Variants in IQUB observed in about 807,000 individuals in gnomAD.
The protein encoded by IQUB is IQ motif and ubiquitin-like domain-containing protein.
Under a neutral mutation model 86.4 loss-of-function variants are expected in IQUB, and 86 were observed. The observed-to-expected ratio is 1.00, with a 90% CI of 0.84 to 1.19. The LOEUF (loss-of-function observed/expected upper bound fraction) is 1.19. Among genes scored for constraint, IQUB ranks in the 50% most tolerant of loss-of-function variants. The pLI is 0.00. For missense variants in IQUB, 946 were observed against 916.9 expected (o/e 1.03, Z -0.41); for synonymous variants, 289 against 304.5 (o/e 0.95, Z 0.53).
Position 123,503,349 on chromosome 7 carries a change from T to G in IQUB, c.547A>C (p.Asn183His), listed in dbSNP as rs1386790591. The G allele has an allele frequency of 6.6e-7, 1 of 1,504,620 alleles. No individual in the cohort carries two copies. Among genetic ancestry groups the G allele is most frequent in the Non-Finnish European group, 9.0e-7 (1 of 1,115,916 alleles). 93.2% of individuals were successfully genotyped at this position (1,504,620 alleles called of 1,614,324 possible). The change falls in exon 4 of 13, where the codon AAT becomes CAT. Residue 183 changes from asparagine (N) to histidine (H), a missense_variant. Asn to His is a moderately conservative substitution (Grantham distance 68, BLOSUM62 1). Transcript: ENST00000324698. Reference protein sequence around the residue: ...QIRYSGKILKNNETLVQHGVK... With the variant: ...QIRYSGKILKHNETLVQHGVK... ...CCATGTTGTACTAGAGTCTCATTAT[T>G]TTTAAGAATTTTTCCTAAAAATTGA...
intron 1 of IQUB, among the ~76,000 whole-genome samples, chr7:123,526,429 A>C (rs1239576679): frequency 6.6e-6 from 1 of 152,208 alleles, no homozygotes. Context: ...TTCTTGTTGA[A>C]TTGATCCCTT....
At chr7:123,489,666 A>C (rs1562852238) in intron 7 of IQUB, among the ~76,000 whole-genome samples, 1 of 151,916 alleles carries the variant, frequency 6.6e-6, no homozygotes, top group African/African-American at 2.4e-5. Flanking sequence ...TCTGAAAGAA[A>C]ATTAGTATGC....
intron 1 of IQUB, among the ~76,000 whole-genome samples, chr7:123,533,515 T>A (rs1236293004): frequency 6.6e-6 from 1 of 152,226 alleles, no homozygotes; most frequent in African/African-American, 2.4e-5. Flanking sequence ...GATTGTTAGG[T>A]AGTGACATTT....
chr7:123,506,769 A>T (rs959412133), intron 3 of IQUB, among the ~76,000 whole-genome samples: 5 of 152,202 alleles, frequency 3.3e-5, no homozygotes, highest in African/African-American at 1.2e-4. Flanking sequence ...AGAAGCATAT[A>T]TGCAGAATCC....
intron 1 of IQUB, among the ~76,000 whole-genome samples, chr7:123,512,832 C>T (rs1221758361): frequency 4.6e-5 from 7 of 152,030 alleles, no homozygotes; most frequent in Non-Finnish European, 2.9e-5. Context: ...CTGCTCCCCC[C>T]AAATAAACCT....
intron 3 of IQUB, 111 bp downstream of exon 3, chr7:123,509,790 T>C (rs1796337462): frequency 1.1e-6 from 1 of 905,512 alleles, no homozygotes; most frequent in African/African-American, 1.7e-5. Flanking sequence ...ATAACCACAA[T>C]ATAATGTTCA....
intron 3 of IQUB, among the ~76,000 whole-genome samples, chr7:123,503,652 A>G (rs535046927): frequency 6.6e-6 from 1 of 152,008 alleles, no homozygotes; most frequent in South Asian, 2.1e-4. Context: ...GGCTAATTAC[A>G]CATTCTCATT....
At chr7:123,503,532 T>C (rs549539363) in intron 3 of IQUB, among the ~76,000 whole-genome samples, 169 bp from the exon 4 acceptor site, 3 of 152,258 alleles carry the variant, frequency 2.0e-5, no homozygotes, top group African/African-American at 7.2e-5. Context: ...AACATGTCCA[T>C]TACCTCATAT....
At chr7:123,515,139 A>G (rs989188303) in intron 1 of IQUB, among the ~76,000 whole-genome samples, 1 of 152,150 alleles carries the variant, frequency 6.6e-6, no homozygotes, top group Non-Finnish European at 1.5e-5. Flanking sequence ...CACACACACA[A>G]AAACACCATT....
intron 1 of IQUB, among the ~76,000 whole-genome samples, chr7:123,521,782 T>C (rs980372283): frequency 1.3e-5 from 2 of 152,000 alleles, no homozygotes; most frequent in Admixed American, 6.5e-5. Flanking sequence ...TAACTACATG[T>C]TTTCAAGACA....
At chr7:123,509,701 T>C (rs1467734145) in intron 3 of IQUB, among the ~76,000 whole-genome samples, 200 bp downstream of exon 3, 1 of 152,188 alleles carries the variant, frequency 6.6e-6, no homozygotes, top group East Asian at 1.9e-4. Context: ...TACTTCACAT[T>C]TCTCTGTATC....
chr7:123,477,796 T>C (rs1197327621), intron 8 of IQUB, among the ~76,000 whole-genome samples: 1 of 152,070 alleles, frequency 6.6e-6, no homozygotes, highest in Non-Finnish European at 1.5e-5. Context: ...TGAAGAGACA[T>C]TTCTCAAAAG....
intron 9 of IQUB, among the ~76,000 whole-genome samples, chr7:123,465,266 C>T (rs1435288238): frequency 6.6e-6 from 1 of 151,712 alleles, no homozygotes; most frequent in African/African-American, 2.4e-5. Flanking sequence ...TACAAAATAA[C>T]AGATACAGTA....
At chr7:123,470,988 C>G (rs776540135) in intron 8 of IQUB, among the ~76,000 whole-genome samples, 3 of 152,008 alleles carry the variant, frequency 2.0e-5, no homozygotes, top group Non-Finnish European at 4.4e-5. Flanking sequence ...CTCTTAAAAA[C>G]AACTATATTT....
chr7:123,453,054 G>A lies in IQUB; in HGVS notation c.2194-129C>T, dbSNP rs187127189. 5.2e-4 allele frequency: 351 copies of A among 677,718 alleles called. 2 individuals are homozygous for A. In the African/African-American group the frequency reaches 5.2e-3, roughly 10 times the overall value. 42.0% of individuals were successfully genotyped at this position (677,718 alleles called of 1,614,324 possible). ...AGACTACCTTTATTTTTCTCACGTT[G>A]TCTATCATCATTCACGACTCAGCTC... On this transcript the variant is annotated intron_variant, in intron 12 of 12. Transcript: ENST00000324698.
chr7:123,499,454 A>G (rs1477476944), intron 6 of IQUB, among the ~76,000 whole-genome samples: 2 of 152,198 alleles, frequency 1.3e-5, no homozygotes, highest in Non-Finnish European at 2.9e-5. Flanking sequence ...AAAATAAGGA[A>G]AGTTGATTAC....
chr7:123,511,041 A>G (rs2117255994), intron 2 of IQUB, among the ~76,000 whole-genome samples: 1 of 152,262 alleles, frequency 6.6e-6, no homozygotes, highest in South Asian at 2.1e-4. Flanking sequence ...CCAAATTTAC[A>G]TTAAATACTA....
chr7:123,499,109 C>T lies in IQUB; in HGVS notation c.1024-2203G>A, dbSNP rs960232349. Among the ~76,000 whole-genome samples the T allele has an allele frequency of 2.6e-5, 4 of 151,814 alleles. No individual in the cohort carries two copies. In the South Asian group the frequency reaches 8.3e-4, roughly 31 times the overall value. On this transcript the variant is annotated intron_variant, in intron 6 of 12. Coordinates refer to ENST00000324698, the MANE Select transcript of IQUB (RefSeq NM_178827.5). ...TAAATCCCAGCATTCCAAAATGTTTCCTTTTTTTCTTTTTTTCTTTTTAGG... is the reference window on the plus strand; with the variant it reads ...TAAATCCCAGCATTCCAAAATGTTTTCTTTTTTTCTTTTTTTCTTTTTAGG...
chr7:123,482,782 G>A (rs1312479172), intron 7 of IQUB, among the ~76,000 whole-genome samples: 2 of 151,996 alleles, frequency 1.3e-5, no homozygotes, highest in African/African-American at 2.4e-5. Context: ...TGTCTTCTGG[G>A]TACTTTGCCC....
Sources: allele counts gnomAD v4.1 joint callset (sites outside exome capture counted in the v4.1 genomes callset), GRCh38; gene constraint gnomAD v4.1.1; transcripts MANE v1.5; gene names NCBI Gene and HGNC (gene_info 2026-07-23, HGNC 2026-07-21).